The following GHRHR variants were observed in gnomAD, a reference collection of about 807,000 sequenced individuals.
GHRHR encodes the protein growth hormone releasing hormone receptor.
In GHRHR, 40 loss-of-function variants were observed where a neutral mutation model predicts 58.3. That is an observed-to-expected ratio of 0.69 (90% CI 0.53 to 0.89). GHRHR has a LOEUF of 0.89. GHRHR is among the 40% of genes least tolerant of loss of function. The probability of loss-of-function intolerance (pLI) is 0.00; values close to 1 mark genes in which losing one functional copy is unlikely to be tolerated. For missense variants in GHRHR, 551 were observed against 541.3 expected (o/e 1.02, Z -0.18); for synonymous variants, 249 against 216.6 (o/e 1.15, Z -1.31).
chr7:30,979,346 GT>G lies in GHRHR; in HGVS notation c.*104del. ...AGGGGGCCACATCCCCACCCCAGCTGTTACCCAGCCCGGGGCAGGTGCAGCC... is the reference window on the plus strand; with the variant it reads ...AGGGGGCCACATCCCCACCCCAGCTGTACCCAGCCCGGGGCAGGTGCAGCC... On this transcript the variant is annotated 3_prime_UTR_variant, in exon 13 of 13. Transcript: ENST00000326139. 1 of 1,217,398 alleles carries G rather than the reference GT, an allele frequency of 8.2e-7. No homozygotes were observed. The highest frequency in any genetic ancestry group is 2.5e-5 in the East Asian group (1 of 40,092). The allele number at this position is 1,217,398 out of a possible 1,614,324, so 75.4% of individuals were successfully genotyped here. A position where few individuals can be genotyped will look rare whatever the true frequency, so the allele number is the denominator to read the frequency against.
Position 30,969,128 on chromosome 7 carries a change from C to T in GHRHR, c.226C>T (p.Leu76Phe), listed in dbSNP as rs547825255. 1 of 1,575,798 alleles carries T rather than the reference C, an allele frequency of 6.3e-7. No individual in the cohort carries two copies. The highest frequency in any genetic ancestry group is 8.6e-7 in the Non-Finnish European group (1 of 1,160,570). Residue 76 changes from leucine to phenylalanine, a missense_variant, in exon 3 of 13, where the codon CTC becomes TTC. Physicochemically the swap from Leu to Phe is conservative, Grantham distance 22 (BLOSUM62 0). Coordinates refer to ENST00000326139, the MANE Select transcript of GHRHR (RefSeq NM_000823.4). ...GGCAGGCTCTGGCGAGTGGGTCACCCTCCCCTGCCCGGATTTCTTCTCTCA... is the reference window on the plus strand; with the variant it reads ...GGCAGGCTCTGGCGAGTGGGTCACCTTCCCCTGCCCGGATTTCTTCTCTCA... ...PTAGSGEWVT[L>F]PCPDFFSHFS...
At chr7:30,965,257 A>C (rs563999668) in intron 1 of GHRHR, among the ~76,000 whole-genome samples, 1 of 152,156 alleles carries the variant, frequency 6.6e-6, no homozygotes, top group East Asian at 1.9e-4. Flanking sequence ...GGTGGTGGCC[A>C]TTCAGCAGAT....
chr7:30,974,931 G>C (rs1792547315), intron 8 of GHRHR, 40 bp from the exon 9 acceptor site: 1 of 1,369,742 alleles, frequency 7.3e-7, no homozygotes. Context: ...CCACAGTGAA[G>C]GGGACTTTCC....
In GHRHR at chr7:30,976,907, C is replaced by T. The variant is rs547683481; in HGVS notation, c.1104+349C>T. Among the ~76,000 whole-genome samples, 46 of 147,244 alleles carry T rather than the reference C, an allele frequency of 3.1e-4. 1 individual carries two copies. The highest frequency in any genetic ancestry group is 1.1e-3 in the African/African-American group (42 of 39,750). On this transcript the variant is annotated intron_variant, in intron 11 of 12. Transcript: ENST00000326139. ...ACCCACCCATTCATCCACCCACCCACCCATCTATACATCCATCCACCCACC... is the reference window on the plus strand; with the variant it reads ...ACCCACCCATTCATCCACCCACCCATCCATCTATACATCCATCCACCCACC...
chr7:30,968,639 TC>T (rs1792408272), intron 1 of GHRHR, among the ~76,000 whole-genome samples, 194 bp from the exon 2 acceptor site: 1 of 35,032 alleles, frequency 2.9e-5, no homozygotes, highest in Admixed American at 3.7e-4. Flanking sequence ...CCTCCCTCCC[TC>T]CCTTCCTTCC....
intron 8 of GHRHR, 32 bp downstream of exon 8, chr7:30,974,521 C>T: frequency 1.3e-6 from 2 of 1,499,244 alleles, no homozygotes; most frequent in Non-Finnish European, 1.9e-6. Context: ...GTCATACCCG[C>T]TGGTCCTACA....
At chr7:30,972,174 G>T (rs577902377) in intron 6 of GHRHR, 79 bp downstream of exon 6, 2 of 1,525,438 alleles carry the variant, frequency 1.3e-6, no homozygotes, top group African/African-American at 1.4e-5. Flanking sequence ...GCCTGCGTCA[G>T]GCTTCCCTGC....
At position 30,971,203 on chromosome 7, in the gene GHRHR, C is replaced by A; in HGVS notation, c.451C>A (p.Leu151Met). The change falls in exon 5 of 13, where the codon CTG (leucine) becomes ATG (methionine). Residue 151 changes from leucine to methionine, a missense_variant. Transcript: ENST00000326139. ...IVALFVAITILVALRRLHCPR... is the reference protein window; with the variant it reads ...IVALFVAITIMVALRRLHCPR... ...AGCCCTCTTCGTGGCCATCACCATC[C>A]TGGTTGCTCTCAGGTTTGTCATCCT... is the stretch of plus-strand genomic sequence containing the variant. 1 of 1,463,594 alleles carries A rather than the reference C, an allele frequency of 6.8e-7. No homozygotes were observed. The highest frequency in any genetic ancestry group is 9.4e-7 in the Non-Finnish European group (1 of 1,064,190). The allele number at this position is 1,463,594 out of a possible 1,614,324, so 90.7% of individuals were successfully genotyped here.
chr7:30,971,089 G>A, intron 4 of GHRHR, 30 bp from the exon 5 acceptor site: 3 of 981,500 alleles, frequency 3.1e-6, no homozygotes, highest in African/African-American at 1.6e-5. Context: ...CCCAGAAGCT[G>A]AGACTTTCTT....
At chr7:30,972,188 G>A in intron 6 of GHRHR, 93 bp downstream of exon 6, 1 of 1,429,552 alleles carries the variant, frequency 7.0e-7, no homozygotes, top group Non-Finnish European at 9.7e-7. Context: ...TCCCTGCCCT[G>A]TGGGCTGACC....
chr7:30,968,792 C>A, intron 1 of GHRHR, 42 bp from the exon 2 acceptor site: 1 of 1,372,338 alleles, frequency 7.3e-7, no homozygotes, highest in Non-Finnish European at 1.0e-6. Flanking sequence ...CCCAGAAAGA[C>A]ACCCAAATGG....
intron 10 of GHRHR, chr7:30,976,106 A>G (rs767435657): frequency 2.1e-5 from 12 of 574,268 alleles, no homozygotes; most frequent in East Asian, 6.0e-5. Context: ...ATCAATTTCT[A>G]TGGGAGCCTG....
Position 30,975,877 on chromosome 7 carries a change from T to C in GHRHR, c.974+9T>C. ...ACCCAGTCTCAGTATTGGTACTGTG[T>C]GTTTGTGTCTGGGGATACTGGGAAA... is the stretch of plus-strand genomic sequence containing the variant. On this transcript the variant is annotated intron_variant, in intron 10 of 12. Transcript: ENST00000326139. 1 of 1,493,930 alleles carries C rather than the reference T, an allele frequency of 6.7e-7. No homozygotes were observed. Among genetic ancestry groups the C allele is most frequent in the South Asian group, 1.1e-5 (1 of 88,670 alleles). 92.5% of individuals were successfully genotyped at this position (1,493,930 alleles called of 1,614,324 possible). A position where few individuals can be genotyped will look rare whatever the true frequency, so the allele number is the denominator to read the frequency against.
At position 30,977,323 on chromosome 7, in the gene GHRHR, G is replaced by T. The variant is rs1176768869; in HGVS notation, c.1146+1G>T. Reference sequence around the variant, plus strand: ...CCTCTACTGCTTCCTCAACCAAGAGGTGTGTGATTTTTGAGGCTATCCCTC... The same window carrying T: ...CCTCTACTGCTTCCTCAACCAAGAGTTGTGTGATTTTTGAGGCTATCCCTC... On this transcript the variant is annotated splice_donor_variant, in intron 12 of 12. Coordinates refer to ENST00000326139, the MANE Select transcript of GHRHR (RefSeq NM_000823.4). LOFTEE classifies it high-confidence loss of function. 8 of 1,613,676 alleles carry T rather than the reference G, an allele frequency of 5.0e-6. No homozygotes were observed. The highest frequency in any genetic ancestry group is 1.7e-5 in the Admixed American group (1 of 59,998).
Position 30,968,838 on chromosome 7 carries a change from T to G in GHRHR, c.62T>G (p.Leu21Trp). Residue 21 changes from leucine (L) to tryptophan (W), a missense_variant, in exon 2 of 13, where the codon TTG becomes TGG. Transcript: ENST00000326139. ...CCTGTTCACTGTTTCCAGCAGGTAT[T>G]GGGCCACATGCACCCAGAATGTGAC... is the stretch of plus-strand genomic sequence containing the variant. ...FCVLSPLPTVLGHMHPECDFI... is the reference protein window; with the variant it reads ...FCVLSPLPTVWGHMHPECDFI... 1.2e-6 allele frequency: 2 copies of G among 1,611,720 alleles called. No individual in the cohort carries two copies. Among genetic ancestry groups the G allele is most frequent in the Non-Finnish European group, 1.7e-6 (2 of 1,177,960 alleles).
At chr7:30,977,404 C>A in intron 12 of GHRHR, 82 bp downstream of exon 12, 1 of 1,142,970 alleles carries the variant, frequency 8.7e-7, no homozygotes, top group Non-Finnish European at 1.3e-6. Flanking sequence ...CCACTCAGGC[C>A]CTGTAAACCC....
At chr7:30,969,028 G>A (rs1792421806) in intron 2 of GHRHR, 35 bp from the exon 3 acceptor site, 4 of 1,556,038 alleles carry the variant, frequency 2.6e-6, no homozygotes, top group Non-Finnish European at 3.5e-6. Context: ...CCTGCACCTG[G>A]GCTGAGTCTC....
rs1171010445 is a variant in GHRHR, at chr7:30,969,942, C to T, written c.344C>T (p.Pro115Leu). 6 of 1,403,752 alleles carry T rather than the reference C, an allele frequency of 4.3e-6. No homozygotes were observed. The highest frequency in any genetic ancestry group is 6.1e-6 in the Non-Finnish European group (6 of 987,322). The allele number at this position is 1,403,752 out of a possible 1,614,324, so 87.0% of individuals were successfully genotyped here. ...CCTTACCCTGTGGCCTGCCCTGTGC[C>T]TCTGGAGCTGCTGGCTGAGGAGGTA... ...FPPYPVACPV[P>L]LELLAEEESY... Residue 115 changes from proline to leucine, a missense_variant, in exon 4 of 13, where the codon CCT becomes CTT. Physicochemically the swap from Pro to Leu is moderately conservative, Grantham distance 98. Coordinates refer to ENST00000326139, the MANE Select transcript of GHRHR (RefSeq NM_000823.4).
intron 1 of GHRHR, among the ~76,000 whole-genome samples, chr7:30,968,615 TCC>T (rs1792405610): frequency 8.5e-5 from 4 of 46,812 alleles, no homozygotes; most frequent in Non-Finnish European, 1.5e-4. Context: ...TCTCCCTCCC[TCC>T]CTCCCTCCCT....
Sources: allele counts gnomAD v4.1 joint callset (sites outside exome capture counted in the v4.1 genomes callset), GRCh38; gene constraint gnomAD v4.1.1; transcripts MANE v1.5; gene names NCBI Gene and HGNC (gene_info 2026-07-23, HGNC 2026-07-21).